INPP4B: variants seen among roughly 807,000 people sequenced by gnomAD.
INPP4B encodes inositol polyphosphate-4-phosphatase type II B, also known as inositol polyphosphate 4-phosphatase type II.
A neutral mutation model predicts 122.5 loss-of-function variants in INPP4B; 55 were observed. The ratio of observed to expected loss-of-function variants is 0.45; its 90% CI spans 0.36 to 0.56. INPP4B has a LOEUF of 0.56. Among genes scored for constraint, INPP4B ranks in the 20% least tolerant of loss-of-function variants. INPP4B has a pLI of 0.00. For missense variants in INPP4B, 1,000 were observed against 1,097.7 expected, an observed-to-expected ratio of 0.91 and a Z score of 1.26; for synonymous variants, 403 against 388.7, an observed-to-expected ratio of 1.04 and a Z score of -0.43.
At chr4:142,293,784 G>A (rs539455081) in intron 9 of INPP4B, among the ~76,000 whole-genome samples, 7 of 152,334 alleles carry the variant, frequency 4.6e-5, no homozygotes, top group South Asian at 4.1e-4. Context: ...GCTGGAGTAC[G>A]CTACAAAGGG....
intron 14 of INPP4B, among the ~76,000 whole-genome samples, chr4:142,193,486 G>A (rs1836869613): frequency 6.6e-6 from 1 of 152,034 alleles, no homozygotes. Flanking sequence ...TATACTTACT[G>A]AGATAACATG....
chr4:142,233,897 ATGTT>A (rs1409642603), intron 12 of INPP4B, among the ~76,000 whole-genome samples: 1 of 152,100 alleles, frequency 6.6e-6, no homozygotes, highest in Non-Finnish European at 1.5e-5. Context: ...ATTTTCAAGA[ATGTT>A]TGGTGTGTAA....
At chr4:142,637,837 C>T (rs962132725) in intron 2 of INPP4B, among the ~76,000 whole-genome samples, 2 of 152,166 alleles carry the variant, frequency 1.3e-5, no homozygotes, top group Non-Finnish European at 2.9e-5. Flanking sequence ...GTTCCTGTTG[C>T]TCCATATGCT....
At chr4:142,174,577 C>T (rs1827170560) in intron 15 of INPP4B, among the ~76,000 whole-genome samples, 1 of 151,972 alleles carries the variant, frequency 6.6e-6, no homozygotes. Context: ...TATGGTTTTC[C>T]ATTTAACATA....
intron 2 of INPP4B, among the ~76,000 whole-genome samples, chr4:142,584,715 T>G (rs1735798061): frequency 6.6e-6 from 1 of 152,158 alleles, no homozygotes; most frequent in Non-Finnish European, 1.5e-5. Flanking sequence ...TTCTCTACTC[T>G]AAAGTTATCC....
At chr4:142,249,326 G>T (rs1314285894) in intron 11 of INPP4B, among the ~76,000 whole-genome samples, 1 of 152,044 alleles carries the variant, frequency 6.6e-6, no homozygotes, top group Non-Finnish European at 1.5e-5. Context: ...TAATTTGAGG[G>T]TCTATGGGCT....
At chr4:142,318,905 A>G (rs556617098) in intron 7 of INPP4B, among the ~76,000 whole-genome samples, 20 of 152,346 alleles carry the variant, frequency 1.3e-4, no homozygotes, top group African/African-American at 4.8e-4. Flanking sequence ...CCAATACAGC[A>G]GTGGAACATA....
intron 18 of INPP4B, among the ~76,000 whole-genome samples, chr4:142,142,982 C>G (rs1808644465): frequency 6.6e-6 from 1 of 152,020 alleles, no homozygotes; most frequent in Admixed American, 6.6e-5. Flanking sequence ...CAGGGCAGAC[C>G]TATGAAGGAG....
intron 7 of INPP4B, among the ~76,000 whole-genome samples, chr4:142,381,294 T>A (rs1210794588): frequency 6.6e-6 from 1 of 152,146 alleles, no homozygotes; most frequent in Non-Finnish European, 1.5e-5. Context: ...TAAGTGAATA[T>A]TGATAATCAC....
chr4:142,228,982 A>G (rs190598401), intron 12 of INPP4B, among the ~76,000 whole-genome samples: 188 of 151,784 alleles, frequency 1.2e-3, no homozygotes, highest in Admixed American at 3.9e-3. Flanking sequence ...GATGGAAGTA[A>G]AATTGATGCA....
intron 2 of INPP4B, among the ~76,000 whole-genome samples, chr4:142,521,234 A>G (rs1010775330): frequency 4.6e-5 from 7 of 152,118 alleles, no homozygotes; most frequent in Non-Finnish European, 1.0e-4. Context: ...AATATCCATG[A>G]GTTGTTAATA....
At chr4:142,362,418 G>A (rs1785766936) in intron 7 of INPP4B, among the ~76,000 whole-genome samples, 1 of 151,846 alleles carries the variant, frequency 6.6e-6, no homozygotes, top group Admixed American at 6.6e-5. Flanking sequence ...AAAGGAAAAG[G>A]ATATGGTATC....
At chr4:142,578,448 A>G (rs370198645) in intron 2 of INPP4B, among the ~76,000 whole-genome samples, 2 of 151,986 alleles carry the variant, frequency 1.3e-5, no homozygotes, top group South Asian at 2.1e-4. Context: ...TCTGGACGCT[A>G]GAAGTCCAAA....
intron 13 of INPP4B, 72 bp downstream of exon 13, chr4:142,208,824 A>AT: frequency 1.7e-6 from 2 of 1,161,714 alleles, no homozygotes; most frequent in Admixed American, 2.6e-5. Context: ...AAATCTATTT[A>AT]TTATTTTTTT....
chr4:142,721,615 G>T (rs1001798119), intron 2 of INPP4B, among the ~76,000 whole-genome samples: 1 of 152,194 alleles, frequency 6.6e-6, no homozygotes, highest in Non-Finnish European at 1.5e-5. Context: ...GAGGTCAGGA[G>T]ATCGACACTA....
intron 9 of INPP4B, among the ~76,000 whole-genome samples, chr4:142,281,446 A>C (rs756305621): frequency 1.3e-5 from 2 of 151,914 alleles, no homozygotes; most frequent in Non-Finnish European, 2.9e-5. Flanking sequence ...TCCATAGATA[A>C]CAGGTATGGA....
chr4:142,127,316 C>A (rs995113539), intron 18 of INPP4B, among the ~76,000 whole-genome samples: 3 of 152,102 alleles, frequency 2.0e-5, no homozygotes, highest in Non-Finnish European at 4.4e-5. Flanking sequence ...CATTAAGTGA[C>A]AATTCTAATT....
rs187923319 is a variant in INPP4B at position 142,245,996 on chromosome 4, A to G, written c.689-7985T>C. Among the ~76,000 whole-genome samples the G allele has an allele frequency of 9.5e-4, 129 of 136,362 alleles. 15 individuals carry two copies. The highest frequency in any genetic ancestry group is 3.5e-3 in the African/African-American group (125 of 36,172). 89.5% of individuals were successfully genotyped at this position (136,362 alleles called of 152,430 possible). A position where few individuals can be genotyped will look rare whatever the true frequency, so the allele number is the denominator to read the frequency against. On this transcript the variant is annotated intron_variant, in intron 11 of 25. Coordinates refer to ENST00000262992, the MANE Select transcript of INPP4B (RefSeq NM_001101669.3). The stretch of plus-strand genomic sequence containing the variant: ...CACATGTGTGTATGTATACATATAT[A>G]TGTGTATGTATACACACATGTGTGT...
chr4:142,514,352 A>G (rs1825138120), intron 2 of INPP4B: 1 of 152,236 alleles, frequency 6.6e-6, no homozygotes, highest in African/African-American at 2.4e-5. Flanking sequence ...AATCACAATG[A>G]GAACTGCTAT....
Sources: allele counts gnomAD v4.1 joint callset (sites outside exome capture counted in the v4.1 genomes callset), GRCh38; gene constraint gnomAD v4.1.1; transcripts MANE v1.5; gene names NCBI Gene and HGNC (gene_info 2026-07-23, HGNC 2026-07-21).